The following PCDH9 variants were observed in gnomAD, a reference collection of about 807,000 sequenced individuals.
PCDH9 encodes the protein protocadherin 9.
Under a neutral mutation model 70.6 loss-of-function variants are expected in PCDH9, and 24 were observed. The observed-to-expected ratio is 0.34, with a 90% confidence interval of 0.25 to 0.48. PCDH9 has a LOEUF of 0.48. Ranked by LOEUF, PCDH9 falls within the 20% of genes least tolerant of loss-of-function variation. The pLI, the probability that PCDH9 is intolerant of heterozygous loss-of-function variation, is 0.99. For missense variants in PCDH9, 1,281 were observed against 1,503.6 expected, an observed-to-expected ratio of 0.85 and a Z score of 2.45; for synonymous variants, 562 against 558.5, an observed-to-expected ratio of 1.01 and a Z score of -0.09.
intron 4 of PCDH9, among the ~76,000 whole-genome samples, chr13:66,494,900 C>T (rs1473699752): frequency 1.3e-5 from 2 of 151,622 alleles, no homozygotes; most frequent in Non-Finnish European, 2.9e-5. Context: ...AAATATTGTT[C>T]TTGAGAAATT....
intron 4 of PCDH9, among the ~76,000 whole-genome samples, chr13:66,434,347 G>A (rs1428033354): frequency 6.6e-6 from 1 of 151,774 alleles, no homozygotes; most frequent in African/African-American, 2.4e-5. Flanking sequence ...TCTTACTTTC[G>A]GTAAATTTCA....
Position 67,010,231 on chromosome 13 carries a change from A to G in PCDH9, c.3037-106626T>C, listed in dbSNP as rs867500520. On this transcript the variant is annotated intron_variant, in intron 2 of 4. Transcript: ENST00000377865. ...TTTTAAGATAAAACTGAACCTAGAA[A>G]TGTTGATAAGTTCCTTAAAGTCCCC... Among the ~76,000 whole-genome samples the G allele has an allele frequency of 1.2e-4, 18 of 152,070 alleles. No individual in the cohort carries two copies. The South Asian group carries it at 3.7e-3, about 32-fold the overall frequency.
At chr13:66,624,102 A>G (rs2077468857) in intron 4 of PCDH9, among the ~76,000 whole-genome samples, 1 of 152,194 alleles carries the variant, frequency 6.6e-6, no homozygotes, top group Non-Finnish European at 1.5e-5. Context: ...ATGATTCTCA[A>G]TGGGACAAGA....
intron 2 of PCDH9, among the ~76,000 whole-genome samples, chr13:67,121,721 T>C (rs965350603): frequency 4.3e-4 from 66 of 152,356 alleles, no homozygotes; most frequent in Admixed American, 8.5e-4. Context: ...AAGAAAAATC[T>C]TTTTGTTTTA....
chr13:66,467,733 TA>T (rs1434375550), intron 4 of PCDH9, among the ~76,000 whole-genome samples: 1 of 152,030 alleles, frequency 6.6e-6, no homozygotes, highest in African/African-American at 2.4e-5. Context: ...AGAAAACAAA[TA>T]AAAAAATCAA....
intron 4 of PCDH9, among the ~76,000 whole-genome samples, chr13:66,315,995 G>T (rs1234025204): frequency 6.6e-6 from 1 of 152,178 alleles, no homozygotes; most frequent in African/African-American, 2.4e-5. Flanking sequence ...TGTTGAGAGG[G>T]CTGGTTCCTT....
chr13:66,735,551 G>A (rs2079135382), intron 3 of PCDH9, among the ~76,000 whole-genome samples: 1 of 152,074 alleles, frequency 6.6e-6, no homozygotes, highest in African/African-American at 2.4e-5. Flanking sequence ...AATATGCCAG[G>A]TATGAAGGAA....
At chr13:66,935,196 G>T (rs914466166) in intron 2 of PCDH9, among the ~76,000 whole-genome samples, 7 of 151,982 alleles carry the variant, frequency 4.6e-5, no homozygotes, top group African/African-American at 1.7e-4. Context: ...GAGTAGCTGG[G>T]ACTACAGGCA....
At chr13:66,800,669 C>T (rs1434167788) in intron 3 of PCDH9, among the ~76,000 whole-genome samples, 1 of 152,142 alleles carries the variant, frequency 6.6e-6, no homozygotes, top group East Asian at 1.9e-4. Flanking sequence ...AGCAAGATGT[C>T]TCACTTGCAT....
At chr13:66,535,421 A>C (rs1960656299) in intron 4 of PCDH9, among the ~76,000 whole-genome samples, 1 of 152,004 alleles carries the variant, frequency 6.6e-6, no homozygotes, top group Non-Finnish European at 1.5e-5. Flanking sequence ...ATTCTTGTTG[A>C]AAGTTTCTTA....
intron 3 of PCDH9, among the ~76,000 whole-genome samples, chr13:66,884,598 T>G (rs1361343383): frequency 6.6e-6 from 1 of 152,184 alleles, no homozygotes; most frequent in African/African-American, 2.4e-5. Flanking sequence ...CTGGCTTTCC[T>G]ACATTATAAT....
intron 4 of PCDH9, among the ~76,000 whole-genome samples, chr13:66,478,889 A>G (rs1958783506): frequency 6.6e-6 from 1 of 152,244 alleles, no homozygotes; most frequent in East Asian, 1.9e-4. Context: ...TAAAAAACAG[A>G]TTTTCAACGT....
chr13:66,988,858 C>T (rs1471635600), intron 2 of PCDH9, among the ~76,000 whole-genome samples: 1 of 151,866 alleles, frequency 6.6e-6, no homozygotes, highest in Non-Finnish European at 1.5e-5. Context: ...TTATCCAGAG[C>T]GTTATTACTG....
At chr13:66,928,379 T>C (rs1337447247) in intron 2 of PCDH9, among the ~76,000 whole-genome samples, 2 of 152,138 alleles carry the variant, frequency 1.3e-5, no homozygotes, top group Non-Finnish European at 2.9e-5. Flanking sequence ...ATATGGAATT[T>C]CGTGTCTCAC....
chr13:67,172,416 AG>A (rs1430068283), intron 2 of PCDH9, among the ~76,000 whole-genome samples: 1 of 152,216 alleles, frequency 6.6e-6, no homozygotes, highest in Non-Finnish European at 1.5e-5. Flanking sequence ...AGGCAGTTAA[AG>A]TATATAATTA....
intron 2 of PCDH9, among the ~76,000 whole-genome samples, chr13:66,922,493 T>G (rs1855889481): frequency 6.6e-6 from 1 of 151,428 alleles, no homozygotes; most frequent in African/African-American, 2.4e-5. Context: ...ATTTTCACGA[T>G]TCTACAAATG....
chr13:66,651,145 G>A (rs2077845557), intron 3 of PCDH9, among the ~76,000 whole-genome samples: 1 of 151,274 alleles, frequency 6.6e-6, no homozygotes, highest in Admixed American at 6.6e-5. Flanking sequence ...AAAGACCAAA[G>A]TGAACCTAAG....
intron 4 of PCDH9, among the ~76,000 whole-genome samples, chr13:66,430,924 C>G (rs1347558286): frequency 6.6e-6 from 1 of 152,030 alleles, no homozygotes; most frequent in African/African-American, 2.4e-5. Flanking sequence ...TTACATGCAG[C>G]AATTCATACA....
At position 66,558,718 on chromosome 13, in the gene PCDH9, C is replaced by G. The variant is rs535792624; in HGVS notation, c.3340+72492G>C. Reference sequence around the variant, plus strand: ...CTAACTGTAAAAGAGCTCAGTCATGCAAAGTATGGGCTTAGTCTGGAAGAT... The same window carrying G: ...CTAACTGTAAAAGAGCTCAGTCATGGAAAGTATGGGCTTAGTCTGGAAGAT... On this transcript the variant is annotated intron_variant, in intron 4 of 4. Transcript: ENST00000377865. Among the ~76,000 whole-genome samples the G allele has an allele frequency of 4.6e-5, 7 of 152,090 alleles. No individual in the cohort carries two copies. In the East Asian group the frequency reaches 1.4e-3, roughly 30 times the overall value.
Sources: allele counts gnomAD v4.1 joint callset (sites outside exome capture counted in the v4.1 genomes callset), GRCh38; gene constraint gnomAD v4.1.1; transcripts MANE v1.5; gene names NCBI Gene and HGNC (gene_info 2026-07-23, HGNC 2026-07-21).